The following EYS variants were observed in gnomAD, a reference collection of about 807,000 sequenced individuals.
EYS encodes the protein EGF-like photoreceptor maintenance factor, also known as protein eyes shut homolog.
Under a neutral mutation model 282.1 loss-of-function variants are expected in EYS, and 250 were observed. That is an observed-to-expected ratio of 0.89 (90% CI 0.80 to 0.98). The LOEUF is 0.98. Ranked by LOEUF, EYS falls within the 50% of genes least tolerant of loss-of-function variation. EYS has a pLI of 0.00. For missense variants in EYS, 4,016 were observed against 3,709.0 expected (o/e 1.08, Z -2.15); for synonymous variants, 1,355 against 1,282.9 (o/e 1.06, Z -1.20).
intron 9 of EYS, among the ~76,000 whole-genome samples, chr6:65,348,032 T>C (rs1368771325): frequency 1.3e-5 from 2 of 151,576 alleles, no homozygotes; most frequent in Non-Finnish European, 3.0e-5. Flanking sequence ...CTCTATCTAG[T>C]TCCATCCATG....
chr6:63,944,389 C>T (rs1582007945), intron 35 of EYS, among the ~76,000 whole-genome samples: 1 of 152,298 alleles, frequency 6.6e-6, no homozygotes, highest in South Asian at 2.1e-4. Flanking sequence ...AAGTGTACGA[C>T]ATGCTTTAGT....
intron 29 of EYS, among the ~76,000 whole-genome samples, chr6:64,375,272 C>T (rs1263042632): frequency 1.3e-5 from 2 of 152,074 alleles, no homozygotes; most frequent in East Asian, 3.9e-4. Flanking sequence ...GGTATGCAGC[C>T]TCATTTGTCA....
intron 12 of EYS, among the ~76,000 whole-genome samples, chr6:65,109,779 C>G (rs1289951160): frequency 2.6e-5 from 4 of 152,114 alleles, no homozygotes; most frequent in Non-Finnish European, 5.9e-5. Context: ...CCTACCTACC[C>G]TTCTACAGGT....
chr6:64,880,387 T>C (rs1404699085), intron 19 of EYS, among the ~76,000 whole-genome samples: 1 of 151,898 alleles, frequency 6.6e-6, no homozygotes, highest in Non-Finnish European at 1.5e-5. Flanking sequence ...GCTTCTTTTT[T>C]GCTTTACTCT....
intron 12 of EYS, among the ~76,000 whole-genome samples, chr6:65,286,099 C>G (rs542957078): frequency 6.6e-6 from 1 of 151,888 alleles, no homozygotes; most frequent in East Asian, 1.9e-4. Context: ...AATTTGCAGC[C>G]AGAAAATTAA....
chr6:65,529,581 T>C (rs540839305), intron 2 of EYS, among the ~76,000 whole-genome samples: 27 of 152,312 alleles, frequency 1.8e-4, no homozygotes, highest in African/African-American at 6.5e-4. Context: ...AGAGTTGTCT[T>C]GTAAGCATGA....
chr6:65,352,052 T>C (rs763472791), intron 9 of EYS, among the ~76,000 whole-genome samples: 1 of 151,878 alleles, frequency 6.6e-6, no homozygotes, highest in Non-Finnish European at 1.5e-5. Context: ...AGCATCAACA[T>C]AGTATAATCA....
intron 28 of EYS, among the ~76,000 whole-genome samples, chr6:64,398,114 T>C (rs967483869): frequency 2.0e-5 from 3 of 151,912 alleles, no homozygotes; most frequent in Non-Finnish European, 2.9e-5. Flanking sequence ...TATTTAATAA[T>C]AGGTATTGAA....
At chr6:65,225,760 C>T (rs1478280519) in intron 12 of EYS, among the ~76,000 whole-genome samples, 1 of 148,628 alleles carries the variant, frequency 6.7e-6, no homozygotes, top group East Asian at 2.0e-4. Context: ...ATCCACGTAA[C>T]TTTAATTGAA....
intron 12 of EYS, among the ~76,000 whole-genome samples, chr6:65,198,020 A>G (rs1483122853): frequency 1.3e-5 from 2 of 152,146 alleles, no homozygotes; most frequent in Non-Finnish European, 2.9e-5. Flanking sequence ...ACTCTTTTGT[A>G]ATGTCAGCTT....
chr6:65,268,161 T>G (rs1767807789), intron 12 of EYS, among the ~76,000 whole-genome samples: 1 of 151,994 alleles, frequency 6.6e-6, no homozygotes, highest in African/African-American at 2.4e-5. Context: ...AAACACACAC[T>G]GGTGTTTAGC....
At chr6:65,148,396 A>G (rs1764530607) in intron 12 of EYS, among the ~76,000 whole-genome samples, 1 of 152,098 alleles carries the variant, frequency 6.6e-6, no homozygotes, top group African/African-American at 2.4e-5. Flanking sequence ...CAGACATTAA[A>G]CCTTAAAGTT....
chr6:65,082,316 A>G (rs768539298), intron 12 of EYS, among the ~76,000 whole-genome samples: 12 of 152,076 alleles, frequency 7.9e-5, no homozygotes, highest in Non-Finnish European at 1.6e-4. Flanking sequence ...TAGTCCACAT[A>G]AATAAACCAA....
chr6:64,974,417 C>T (rs369610707), intron 14 of EYS, among the ~76,000 whole-genome samples: 1 of 151,596 alleles, frequency 6.6e-6, no homozygotes, highest in Admixed American at 6.6e-5. Flanking sequence ...ATGATGGATT[C>T]TTGAGTTCCA....
chr6:64,728,630 C>A (rs909018625), intron 22 of EYS, among the ~76,000 whole-genome samples: 2 of 152,152 alleles, frequency 1.3e-5, no homozygotes, highest in Non-Finnish European at 2.9e-5. Flanking sequence ...CCACCGCGAC[C>A]AGCCATGTTA....
chr6:65,313,601 C>T (rs1382322494), intron 11 of EYS, among the ~76,000 whole-genome samples: 2 of 150,920 alleles, frequency 1.3e-5, no homozygotes, highest in East Asian at 3.9e-4. Flanking sequence ...CTCACGTTAG[C>T]TGTTCAAACT....
chr6:64,236,164 G>C (rs560594065), intron 30 of EYS, among the ~76,000 whole-genome samples: 2 of 151,980 alleles, frequency 1.3e-5, no homozygotes, highest in Non-Finnish European at 2.9e-5. Context: ...TAATAGAGAC[G>C]GGGTTTCACC....
intron 22 of EYS, among the ~76,000 whole-genome samples, chr6:64,795,605 G>A (rs1774331595): frequency 6.6e-6 from 1 of 152,058 alleles, no homozygotes; most frequent in South Asian, 2.1e-4. Context: ...CAAACTTTAT[G>A]GCATTTCACT....
At chr6:65,159,863 T>A (rs1764810772) in intron 12 of EYS, among the ~76,000 whole-genome samples, 1 of 150,962 alleles carries the variant, frequency 6.6e-6, no homozygotes, top group East Asian at 2.0e-4. Flanking sequence ...GAAATAACAG[T>A]TGGAGAGAGA....
Sources: allele counts gnomAD v4.1 joint callset (sites outside exome capture counted in the v4.1 genomes callset), GRCh38; gene constraint gnomAD v4.1.1; transcripts MANE v1.5; gene names NCBI Gene and HGNC (gene_info 2026-07-23, HGNC 2026-07-21).